The following CSMD1 variants were observed in gnomAD, a reference collection of about 807,000 sequenced individuals.
CSMD1 encodes the protein CUB and Sushi multiple domains 1, also known as CUB and sushi domain-containing protein 1.
Under a neutral mutation model 417.5 loss-of-function variants are expected in CSMD1, and 213 were observed. That is an observed-to-expected ratio of 0.51 (90% CI 0.46 to 0.57). CSMD1 has a LOEUF of 0.57. Ranked by LOEUF, CSMD1 falls within the 20% of genes least tolerant of loss-of-function variation. The probability of loss-of-function intolerance (pLI) is 0.00; values close to 1 mark genes in which losing one functional copy is unlikely to be tolerated. For missense variants in CSMD1, 6,923 were observed against 4,529.7 expected, an observed-to-expected ratio of 1.53 and a Z score of -15.17; for synonymous variants, 2,862 against 1,736.8, an observed-to-expected ratio of 1.65 and a Z score of -16.11.
intron 3 of CSMD1, among the ~76,000 whole-genome samples, chr8:4,338,586 A>T (rs1054204780): frequency 1.3e-5 from 2 of 152,052 alleles, no homozygotes; most frequent in Non-Finnish European, 2.9e-5. Flanking sequence ...CCTCTGACAT[A>T]CTCATAATAG....
At chr8:4,811,049 A>T (rs925401935) in intron 1 of CSMD1, among the ~76,000 whole-genome samples, 1 of 152,214 alleles carries the variant, frequency 6.6e-6, no homozygotes, top group Non-Finnish European at 1.5e-5. Flanking sequence ...CACTTAAACG[A>T]TTAATCAGTA....
chr8:3,323,258 C>G (rs888344052), intron 23 of CSMD1, among the ~76,000 whole-genome samples: 21 of 152,188 alleles, frequency 1.4e-4, no homozygotes, highest in African/African-American at 4.6e-4. Flanking sequence ...CCTCAACATT[C>G]TTGCACCCTT....
chr8:4,557,610 G>C (rs983848496), intron 2 of CSMD1, among the ~76,000 whole-genome samples: 2 of 151,962 alleles, frequency 1.3e-5, no homozygotes, highest in African/African-American at 4.8e-5. Context: ...GGGAGGTGGG[G>C]GAAGGGGGAC....
At chr8:3,557,066 G>A (rs1381804857) in intron 10 of CSMD1, among the ~76,000 whole-genome samples, 1 of 152,126 alleles carries the variant, frequency 6.6e-6, no homozygotes, top group East Asian at 1.9e-4. Flanking sequence ...ACACAGAATG[G>A]CAAGTGCAAT....
intron 1 of CSMD1, among the ~76,000 whole-genome samples, chr8:4,727,645 G>A (rs990426744): frequency 2.0e-5 from 3 of 152,036 alleles, no homozygotes; most frequent in African/African-American, 7.2e-5. Context: ...GTTCCCACTT[G>A]AAATCCACGG....
chr8:4,845,968 G>C (rs76921689), intron 1 of CSMD1, among the ~76,000 whole-genome samples: 3 of 152,084 alleles, frequency 2.0e-5, no homozygotes, highest in East Asian at 3.9e-4. Flanking sequence ...ATAGAGAATC[G>C]GCTATAAATT....
chr8:3,669,731 G>A (rs974462051), intron 7 of CSMD1, among the ~76,000 whole-genome samples: 7 of 152,080 alleles, frequency 4.6e-5, no homozygotes, highest in African/African-American at 1.2e-4. Context: ...AGGCCAGGAG[G>A]ACAGGGGCCC....
At chr8:4,296,109 A>T (rs1296708900) in intron 3 of CSMD1, among the ~76,000 whole-genome samples, 6 of 152,122 alleles carry the variant, frequency 3.9e-5, no homozygotes, top group African/African-American at 1.2e-4. Context: ...CAAGGAGAGA[A>T]ATCTTAATCA....
intron 3 of CSMD1, among the ~76,000 whole-genome samples, chr8:4,094,015 G>GA (rs1207907693): frequency 7.9e-6 from 1 of 126,678 alleles, no homozygotes; most frequent in Admixed American, 7.6e-5. Context: ...GATAGATAAA[G>GA]AAAAAAGACA....
chr8:4,646,090 C>A (rs1232618303), intron 1 of CSMD1, among the ~76,000 whole-genome samples: 1 of 152,174 alleles, frequency 6.6e-6, no homozygotes, highest in Non-Finnish European at 1.5e-5. Context: ...CCTGAGTCTT[C>A]GCTTCAGAGA....
At chr8:3,715,194 T>A (rs1250538457) in intron 6 of CSMD1, among the ~76,000 whole-genome samples, 1 of 152,190 alleles carries the variant, frequency 6.6e-6, no homozygotes. Context: ...TCAAAGTACC[T>A]GTATAGTTAA....
intron 26 of CSMD1, among the ~76,000 whole-genome samples, chr8:3,236,588 C>T (rs112498857): frequency 0.011 from 1,729 of 152,268 alleles, 17 homozygotes; most frequent in Non-Finnish European, 0.018. Flanking sequence ...CTAATACAAA[C>T]CCCCACCCAG....
At chr8:3,807,871 A>G (rs1051774392) in intron 5 of CSMD1, among the ~76,000 whole-genome samples, 1 of 152,164 alleles carries the variant, frequency 6.6e-6, no homozygotes, top group South Asian at 2.1e-4. Context: ...GGGTAATGCT[A>G]AGTACAAAAG....
intron 2 of CSMD1, among the ~76,000 whole-genome samples, chr8:4,427,932 A>G (rs555160030): frequency 6.6e-6 from 1 of 152,270 alleles, no homozygotes; most frequent in African/African-American, 2.4e-5. Flanking sequence ...AAGGCACTTT[A>G]TTTAAAGTTA....
intron 3 of CSMD1, among the ~76,000 whole-genome samples, chr8:4,189,079 T>C (rs1398378845): frequency 6.6e-6 from 1 of 152,190 alleles, no homozygotes; most frequent in African/African-American, 2.4e-5. Context: ...AATTATCTAG[T>C]AATGAAAATA....
intron 5 of CSMD1, among the ~76,000 whole-genome samples, chr8:3,781,197 G>C (rs1005601470): frequency 6.6e-6 from 1 of 152,130 alleles, no homozygotes; most frequent in African/African-American, 2.4e-5. Flanking sequence ...AGTACAAAGT[G>C]ATAATTGGAG....
chr8:4,089,408 T>C (rs1003007535), intron 3 of CSMD1, among the ~76,000 whole-genome samples: 2 of 152,166 alleles, frequency 1.3e-5, no homozygotes, highest in Non-Finnish European at 2.9e-5. Flanking sequence ...TAGTAAATGG[T>C]ACATGGTTAG....
intron 52 of CSMD1, among the ~76,000 whole-genome samples, chr8:3,012,977 C>T (rs746973291): frequency 6.6e-6 from 1 of 152,130 alleles, no homozygotes; most frequent in Non-Finnish European, 1.5e-5. Context: ...AGTTCCCCTG[C>T]ACACGCTCTC....
At chr8:3,527,659 C>A (rs1378338567) in intron 10 of CSMD1, among the ~76,000 whole-genome samples, 1 of 152,112 alleles carries the variant, frequency 6.6e-6, no homozygotes, top group African/African-American at 2.4e-5. Context: ...TGCAGCTCAT[C>A]CCCTTGCCAA....
Sources: allele counts gnomAD v4.1 joint callset (sites outside exome capture counted in the v4.1 genomes callset), GRCh38; gene constraint gnomAD v4.1.1; transcripts MANE v1.5; gene names NCBI Gene and HGNC (gene_info 2026-07-23, HGNC 2026-07-21).